TTC7A: variants seen among roughly 807,000 people sequenced by gnomAD.
TTC7A encodes tetratricopeptide repeat domain 7A.
Under a neutral mutation model 103.7 loss-of-function variants are expected in TTC7A, and 110 were observed. The ratio of observed to expected loss-of-function variants is 1.06; its 90% confidence interval spans 0.91 to 1.24. TTC7A has a LOEUF of 1.24. Among genes scored for constraint, TTC7A ranks in the 50% most tolerant of loss-of-function variants. The pLI is 0.00. For synonymous variants in TTC7A, 521 were observed against 467.9 expected (o/e 1.11, Z -1.47); for missense variants, 1,340 against 1,116.3 (o/e 1.20, Z -2.86).
At chr2:47,067,702 C>T (rs115471846) in intron 19 of TTC7A, 1 of 152,228 alleles carries the variant, frequency 6.6e-6, no homozygotes, top group South Asian at 2.1e-4. Context: ...CTTCAGTGTT[C>T]TCATCTGTAA....
At chr2:46,933,260 A>G (rs1349990608) in intron 2 of TTC7A, among the ~76,000 whole-genome samples, 2 of 152,200 alleles carry the variant, frequency 1.3e-5, no homozygotes, top group Non-Finnish European at 2.9e-5. Context: ...GAGGGAGGGC[A>G]GTGCCTGGAG....
intron 1 of TTC7A, among the ~76,000 whole-genome samples, chr2:46,944,518 G>C (rs1670764206): frequency 6.6e-6 from 1 of 151,638 alleles, no homozygotes; most frequent in African/African-American, 2.4e-5. Context: ...TAGAAGGAAG[G>C]GCAGACTGGG....
intron 3 of TTC7A, among the ~76,000 whole-genome samples, chr2:46,966,706 G>C (rs532131558): frequency 2.7e-5 from 4 of 147,900 alleles, no homozygotes; most frequent in East Asian, 2.0e-4. Context: ...TGCAAGGGCT[G>C]GTCCTGAACT....
chr2:47,050,068 C>A lies in TTC7A; in HGVS notation c.2017+22C>A, dbSNP rs3816066. ...TCTGGTAAGAACGAGCTCCTTGGGCCACTGTGTGCATGGACCCACAGCTCA... is the reference window on the plus strand; with the variant it reads ...TCTGGTAAGAACGAGCTCCTTGGGCAACTGTGTGCATGGACCCACAGCTCA... On this transcript the variant is annotated intron_variant, in intron 17 of 19. Coordinates refer to ENST00000319190, the MANE Select transcript of TTC7A (RefSeq NM_020458.4). 652,286 of 1,587,402 alleles carry A rather than the reference C, an allele frequency of 0.41. 143,106 individuals carry two copies. The highest frequency in any genetic ancestry group is 0.75 in the African/African-American group (56,021 of 74,422).
At chr2:47,072,208 C>T (rs540235337) in intron 19 of TTC7A, among the ~76,000 whole-genome samples, 25 of 152,316 alleles carry the variant, frequency 1.6e-4, no homozygotes, top group African/African-American at 4.1e-4. Context: ...CTGGCGAGAG[C>T]GTAAGACCCT....
At chr2:47,032,954 A>C (rs1680724812) in intron 15 of TTC7A, among the ~76,000 whole-genome samples, 1 of 151,516 alleles carries the variant, frequency 6.6e-6, no homozygotes, top group Non-Finnish European at 1.5e-5. Context: ...TGAGAAGTCC[A>C]TGTACCGCCA....
rs1388632397 is a variant in TTC7A at position 47,046,415 on chromosome 2, A to C, written c.1903A>C (p.Ser635Arg). ...GCTGAGGCTGTGGCAGACCCTGTAC[A>C]GCTTCTCCCAGCTGGGGTGAGTGGC... ...QVLRLWQTLY[S>R]FSQLGGLEKD... Residue 635 changes from serine to arginine, a missense_variant, in exon 16 of 20, where the codon AGC (serine) becomes CGC (arginine). Physicochemically the swap from Ser to Arg is moderately radical, Grantham distance 110. Coordinates refer to ENST00000319190, the MANE Select transcript of TTC7A (RefSeq NM_020458.4). The C allele has an allele frequency of 6.2e-7, 1 of 1,614,024 alleles. No homozygotes were observed. Among genetic ancestry groups the C allele is most frequent in the Non-Finnish European group, 8.5e-7 (1 of 1,179,904 alleles).
upstream of TTC7A, among the ~76,000 whole-genome samples, chr2:46,938,487 TA>T (rs1352194083): frequency 2.6e-5 from 4 of 152,198 alleles, no homozygotes; most frequent in Admixed American, 2.6e-4. Context: ...TATACTTTAA[TA>T]ACTTAATAGC....
chr2:46,988,149 A>C lies in TTC7A; in HGVS notation c.765-5301A>C, dbSNP rs192184139. Among the ~76,000 whole-genome samples the C allele has an allele frequency of 1.3e-4, 20 of 152,232 alleles. No homozygotes were observed. In the East Asian group the frequency reaches 3.7e-3, roughly 28 times the overall value. On this transcript the variant is annotated intron_variant, in intron 5 of 19. Coordinates refer to ENST00000319190, the MANE Select transcript of TTC7A (RefSeq NM_020458.4). ...GGCCCATTCCAGCCTCTCTGAATGC[A>C]CAGCCTTTGTCTACTCTTAGCACTA...
At chr2:47,047,329 C>G in intron 16 of TTC7A, 2 of 1,546,900 alleles carry the variant, frequency 1.3e-6, no homozygotes, top group Non-Finnish European at 1.7e-6. Flanking sequence ...GTGAAATTTA[C>G]AGAGGAGGGT....
chr2:46,944,683 G>A (rs1049736226), intron 1 of TTC7A, among the ~76,000 whole-genome samples: 1 of 152,088 alleles, frequency 6.6e-6, no homozygotes, highest in Admixed American at 6.6e-5. Flanking sequence ...CATACCTCAG[G>A]CACACGTCAG....
intron 11 of TTC7A, among the ~76,000 whole-genome samples, chr2:47,013,553 T>C (rs1678302847): frequency 6.6e-6 from 1 of 152,202 alleles, no homozygotes. Flanking sequence ...CCCTCAAGGC[T>C]GCCAGCTCTG....
At chr2:46,974,521 C>T in intron 3 of TTC7A, 1 of 375,266 alleles carries the variant, frequency 2.7e-6, no homozygotes, top group Non-Finnish European at 5.2e-6. Flanking sequence ...GCTTCTAAGT[C>T]AGCACATGGA....
At chr2:46,924,308 C>T (rs778686783) in intron 2 of TTC7A, among the ~76,000 whole-genome samples, 8 of 151,814 alleles carry the variant, frequency 5.3e-5, no homozygotes, top group Admixed American at 1.3e-4. Flanking sequence ...TTGGTATCAG[C>T]TCATCAACAT....
intron 1 of TTC7A, among the ~76,000 whole-genome samples, chr2:46,943,408 G>A (rs928173897): frequency 6.6e-6 from 1 of 152,134 alleles, no homozygotes; most frequent in African/African-American, 2.4e-5. Context: ...TTCACTGTGG[G>A]AACTGGCCAG....
At chr2:47,058,723 G>C (rs1003933099) in intron 18 of TTC7A, among the ~76,000 whole-genome samples, 3 of 152,218 alleles carry the variant, frequency 2.0e-5, no homozygotes, top group African/African-American at 7.2e-5. Context: ...TTGGACAAAG[G>C]CTGAGTGCCC....
chr2:47,025,542 C>T (rs1173185267), intron 14 of TTC7A, among the ~76,000 whole-genome samples: 1 of 152,172 alleles, frequency 6.6e-6, no homozygotes, highest in Non-Finnish European at 1.5e-5. Context: ...ACTCTCAGTG[C>T]TGGGACCCCT....
At chr2:47,058,764 T>A (rs1225245826) in intron 18 of TTC7A, among the ~76,000 whole-genome samples, 1 of 152,218 alleles carries the variant, frequency 6.6e-6, no homozygotes, top group Non-Finnish European at 1.5e-5. Flanking sequence ...TCTCCTAAAG[T>A]GCCTACCGTG....
chr2:47,005,855 C>G, intron 8 of TTC7A, 67 bp from the exon 9 acceptor site: 1 of 1,572,826 alleles, frequency 6.4e-7, no homozygotes, highest in Admixed American at 1.7e-5. Context: ...AAGGTGGGGG[C>G]CCTGCGAAGA....
Sources: allele counts gnomAD v4.1 joint callset (sites outside exome capture counted in the v4.1 genomes callset), GRCh38; gene constraint gnomAD v4.1.1; transcripts MANE v1.5; gene names NCBI Gene and HGNC (gene_info 2026-07-23, HGNC 2026-07-21).